The following RTN1 variants were observed in gnomAD, a reference collection of about 807,000 sequenced individuals.
The protein encoded by RTN1 is reticulon 1, also known as reticulon-1.
Under a neutral mutation model 65.5 loss-of-function variants are expected in RTN1, and 25 were observed. The observed-to-expected ratio is 0.38, with a 90% CI of 0.28 to 0.53. The LOEUF is 0.53. Ranked by LOEUF, RTN1 falls within the 20% of genes least tolerant of loss-of-function variation. The pLI is 0.79. For synonymous variants in RTN1, 471 were observed against 447.6 expected (o/e 1.05, Z -0.66); for missense variants, 983 against 1,025.4 (o/e 0.96, Z 0.57).
intron 3 of RTN1, among the ~76,000 whole-genome samples, chr14:59,634,862 C>T (rs1337151817): frequency 6.6e-6 from 1 of 152,050 alleles, no homozygotes. Flanking sequence ...ATGGGGATTT[C>T]CTGGCAGACA....
At chr14:59,665,436 AG>A (rs1883346555) in intron 3 of RTN1, among the ~76,000 whole-genome samples, 1 of 152,194 alleles carries the variant, frequency 6.6e-6, no homozygotes, top group Non-Finnish European at 1.5e-5. Flanking sequence ...GAGCTCCTGA[AG>A]GAAGCATTAA....
chr14:59,851,588 G>A (rs1887508605), intron 1 of RTN1, among the ~76,000 whole-genome samples: 1 of 151,994 alleles, frequency 6.6e-6, no homozygotes, highest in Non-Finnish European at 1.5e-5. Flanking sequence ...GGCCAGGCGT[G>A]GTGGCTCACG....
At position 59,843,949 on chromosome 14, in the gene RTN1, G is replaced by C. The variant is rs181238328; in HGVS notation, c.241+26441C>G. On this transcript the variant is annotated intron_variant, in intron 1 of 8. Transcript: ENST00000267484. ...AAGAAAATAAATGGGTTAAGATTTA[G>C]GTCAAAATCCCAAAATGATTTGTAT... Among the ~76,000 whole-genome samples, 26 of 152,226 alleles carry C rather than the reference G, an allele frequency of 1.7e-4. No individual in the cohort carries two copies. In the East Asian group the frequency reaches 4.4e-3, roughly 26 times the overall value.
intron 1 of RTN1, among the ~76,000 whole-genome samples, chr14:59,781,011 A>G (rs1351911477): frequency 6.6e-6 from 1 of 152,210 alleles, no homozygotes; most frequent in African/African-American, 2.4e-5. Flanking sequence ...GTTTATCAGT[A>G]TGTAATAACA....
intron 3 of RTN1, among the ~76,000 whole-genome samples, chr14:59,675,224 T>A (rs758312626): frequency 6.6e-6 from 1 of 151,980 alleles, no homozygotes; most frequent in Non-Finnish European, 1.5e-5. Context: ...CTAAACTAAG[T>A]CTTGGCAGAT....
chr14:59,727,376 G>C lies in RTN1; in HGVS notation c.1308C>G (p.His436Gln). 6.5e-7 allele frequency: 1 copy of C among 1,529,010 alleles called. No individual in the cohort carries two copies. Among genetic ancestry groups the C allele is most frequent in the Non-Finnish European group, 8.8e-7 (1 of 1,137,306 alleles). The allele number at this position is 1,529,010 out of a possible 1,614,324, so 94.7% of individuals were successfully genotyped here. A position where few individuals can be genotyped will look rare whatever the true frequency, so the allele number is the denominator to read the frequency against. Residue 436 changes from histidine to glutamine, a missense_variant, in exon 3 of 9, where the codon CAC becomes CAG. By Grantham distance (24) the His-to-Gln change is conservative. This residue lies in a region of RTN1 where 818 missense variants were observed against 801.8 expected (regional missense o/e 1.02). Coordinates refer to ENST00000267484, the MANE Select transcript of RTN1 (RefSeq NM_021136.3). The surrounding 1 kb of genome is among the most constrained non-coding windows in gnomAD (Gnocchi z 4.2). ...CGGGCGAGGGCGGCGGGCCGCCCAC[G>C]TGGCCAAAGCTCACATAGCCTGAGG... Reference protein sequence around the residue: ...ALPSGYVSFGHVGGPPPSPAS... With the variant: ...ALPSGYVSFGQVGGPPPSPAS...
chr14:59,672,689 G>A (rs1408746427), intron 3 of RTN1, among the ~76,000 whole-genome samples: 4 of 133,178 alleles, frequency 3.0e-5, no homozygotes, highest in Admixed American at 8.9e-5. Context: ...GCCGGACTGC[G>A]GACTGCAGTG....
At chr14:59,853,961 T>A (rs1887556264) in intron 1 of RTN1, among the ~76,000 whole-genome samples, 1 of 150,168 alleles carries the variant, frequency 6.7e-6, no homozygotes, top group Non-Finnish European at 1.5e-5. Context: ...GCCTCCTGGG[T>A]TCAAGCCATT....
chr14:59,860,142 C>G (rs1887682202), intron 1 of RTN1, among the ~76,000 whole-genome samples: 2 of 152,192 alleles, frequency 1.3e-5, no homozygotes, highest in South Asian at 4.1e-4. Context: ...TTCACAGTAG[C>G]CCCTCCCATC....
At chr14:59,712,381 A>G (rs576571964) in intron 3 of RTN1, among the ~76,000 whole-genome samples, 20 of 152,254 alleles carry the variant, frequency 1.3e-4, no homozygotes, top group Non-Finnish European at 2.2e-4. Flanking sequence ...GTGAGGAACT[A>G]AGCATATATT....
At chr14:59,608,546 A>G (rs1881839796) in intron 3 of RTN1, among the ~76,000 whole-genome samples, 1 of 152,224 alleles carries the variant, frequency 6.6e-6, no homozygotes, top group African/African-American at 2.4e-5. Context: ...TTTGCAGAGT[A>G]AAGTACTAAC....
intron 1 of RTN1, among the ~76,000 whole-genome samples, chr14:59,804,431 T>G (rs1886600434): frequency 6.6e-6 from 1 of 152,198 alleles, no homozygotes; most frequent in African/African-American, 2.4e-5. Flanking sequence ...ACTGCAACAT[T>G]ACTGATAGAA....
At chr14:59,655,161 C>T (rs989240074) in intron 3 of RTN1, among the ~76,000 whole-genome samples, 1 of 152,132 alleles carries the variant, frequency 6.6e-6, no homozygotes, top group Non-Finnish European at 1.5e-5. Flanking sequence ...TATACACTAG[C>T]AGTGAACAAT....
intron 2 of RTN1, among the ~76,000 whole-genome samples, chr14:59,733,692 G>A (rs1033092881): frequency 2.0e-5 from 3 of 151,834 alleles, no homozygotes; most frequent in South Asian, 2.1e-4. Context: ...CTTGCAGGGG[G>A]GTCCTCCCAG....
At chr14:59,817,119 G>A (rs182057425) in intron 1 of RTN1, among the ~76,000 whole-genome samples, 1 of 151,972 alleles carries the variant, frequency 6.6e-6, no homozygotes, top group Non-Finnish European at 1.5e-5. Context: ...GTTACTAAGA[G>A]CCTATGTGTG....
At chr14:59,831,648 T>A (rs1887125979) in intron 1 of RTN1, among the ~76,000 whole-genome samples, 1 of 152,142 alleles carries the variant, frequency 6.6e-6, no homozygotes, top group South Asian at 2.1e-4. Flanking sequence ...GAAAATACTT[T>A]AAGAAAAAAG....
chr14:59,609,429 C>T (rs920287211), intron 3 of RTN1, among the ~76,000 whole-genome samples: 1 of 150,308 alleles, frequency 6.7e-6, no homozygotes, highest in Non-Finnish European at 1.5e-5. Context: ...AATGATTTTT[C>T]TTTTAGAAGG....
chr14:59,739,081 C>T (rs949569984), intron 2 of RTN1, among the ~76,000 whole-genome samples: 35 of 151,966 alleles, frequency 2.3e-4, no homozygotes, highest in African/African-American at 8.2e-4. Context: ...TGGAATGATC[C>T]ATGCAGCAAA....
At chr14:59,668,990 C>T (rs939377144) in intron 3 of RTN1, among the ~76,000 whole-genome samples, 10 of 152,120 alleles carry the variant, frequency 6.6e-5, no homozygotes, top group African/African-American at 2.4e-4. Flanking sequence ...AACAGGCACC[C>T]TTTTACACTC....
Sources: allele counts gnomAD v4.1 joint callset (sites outside exome capture counted in the v4.1 genomes callset), GRCh38; gene constraint gnomAD v4.1.1; regional missense constraint gnomAD v4.1.1; non-coding constraint Gnocchi (gnomAD v3.1); transcripts MANE v1.5; gene names NCBI Gene and HGNC (gene_info 2026-07-23, HGNC 2026-07-21).